The following PRKN variants were observed in gnomAD, a reference collection of about 807,000 sequenced individuals.
The protein encoded by PRKN is parkin RBR E3 ubiquitin protein ligase.
PRKN carries 56 observed loss-of-function variants against 59.5 expected under a neutral mutation model. That is an observed-to-expected ratio of 0.94 (90% CI 0.76 to 1.18). PRKN has a LOEUF of 1.18. PRKN is among the 50% of genes most tolerant of loss of function. PRKN has a pLI of 0.00. For missense variants in PRKN, 657 were observed against 596.4 expected (o/e 1.10, Z -1.06); for synonymous variants, 250 against 222.1 (o/e 1.13, Z -1.12).
chr6:161,753,422 G>C (rs1788777501), intron 7 of PRKN, among the ~76,000 whole-genome samples: 1 of 152,186 alleles, frequency 6.6e-6, no homozygotes, highest in African/African-American at 2.4e-5. Context: ...AAAAAAGCCA[G>C]GTTGGAAAGA....
chr6:161,906,676 G>A (rs9365348), intron 6 of PRKN, among the ~76,000 whole-genome samples: 23,093 of 97,360 alleles, frequency 0.24, 3,646 homozygotes, highest in African/African-American at 0.37. Context: ...ATATATATAT[G>A]TATATATGAG....
Position 161,360,039 on chromosome 6 carries a change from C to T in PRKN, c.1285+49G>A. ...TGGAATCCCTGATGGGTATGATTCT[C>T]CCCCAAAGAGCACACGACATCCTCA... is the stretch of plus-strand genomic sequence containing the variant. On this transcript the variant is annotated intron_variant, in intron 11 of 11. Coordinates refer to ENST00000366898, the MANE Select transcript of PRKN (RefSeq NM_004562.3). The surrounding 1 kb of genome is among the most constrained non-coding windows in gnomAD (Gnocchi z 5.1). 1 of 1,345,354 alleles carries T rather than the reference C, an allele frequency of 7.4e-7. No individual in the cohort carries two copies. Among genetic ancestry groups the T allele is most frequent in the South Asian group, 1.2e-5 (1 of 85,808 alleles). The allele number at this position is 1,345,354 out of a possible 1,614,324, so 83.3% of individuals were successfully genotyped here.
At chr6:161,532,238 TTTG>T (rs999702193) in intron 9 of PRKN, among the ~76,000 whole-genome samples, 5 of 151,422 alleles carry the variant, frequency 3.3e-5, no homozygotes, top group Non-Finnish European at 7.4e-5. Flanking sequence ...TGCAGAAAAA[TTTG>T]CCTAGAGACT....
intron 6 of PRKN, among the ~76,000 whole-genome samples, chr6:161,827,168 C>A (rs1792280683): frequency 6.6e-6 from 1 of 152,182 alleles, no homozygotes; most frequent in South Asian, 2.1e-4. Context: ...CCTTACAACA[C>A]CACATTTCTT....
intron 5 of PRKN, among the ~76,000 whole-genome samples, chr6:161,991,732 A>G (rs1781655711): frequency 6.6e-6 from 1 of 151,996 alleles, no homozygotes; most frequent in Middle Eastern, 3.2e-3. Context: ...GATCCCAGCT[A>G]CTCAGGAGGC....
rs144414263 is a variant in PRKN at position 161,821,976 on chromosome 6, T to C, written c.735-36068A>G. On this transcript the variant is annotated intron_variant, in intron 6 of 11. Coordinates refer to ENST00000366898, the MANE Select transcript of PRKN (RefSeq NM_004562.3). ...GTGGACCAGGCTGGTCTTGAACTCCTGACCTCAGATGATCCACCTGCCTGG... is the reference window on the plus strand; with the variant it reads ...GTGGACCAGGCTGGTCTTGAACTCCCGACCTCAGATGATCCACCTGCCTGG... Among the ~76,000 whole-genome samples the C allele has an allele frequency of 1.6e-4, 24 of 152,198 alleles. No homozygotes were observed. In the East Asian group the frequency reaches 4.7e-3, roughly 30 times the overall value.
intron 6 of PRKN, among the ~76,000 whole-genome samples, chr6:161,933,932 T>C (rs898802188): frequency 6.6e-6 from 1 of 152,236 alleles, no homozygotes; most frequent in Non-Finnish European, 1.5e-5. Flanking sequence ...TGTCCTACAG[T>C]GCAAATGAAG....
intron 2 of PRKN, among the ~76,000 whole-genome samples, chr6:162,393,340 A>T (rs1390438065): frequency 4.0e-5 from 6 of 151,626 alleles, no homozygotes; most frequent in South Asian, 2.1e-4. Flanking sequence ...TTGTATTTTT[A>T]GTAGAGACGG....
intron 4 of PRKN, among the ~76,000 whole-genome samples, chr6:162,127,645 G>C (rs1391287779): frequency 2.0e-5 from 3 of 152,046 alleles, no homozygotes; most frequent in Non-Finnish European, 4.4e-5. Context: ...TGAGTCATAG[G>C]GAAAATCTGC....
In PRKN at chr6:161,462,986, T is replaced by C. The variant is rs1562465508; in HGVS notation, c.1084-76109A>G. Among the ~76,000 whole-genome samples, 1 of 152,198 alleles carries C rather than the reference T, an allele frequency of 6.6e-6. No homozygotes were observed. The highest frequency in any genetic ancestry group is 1.5e-5 in the Non-Finnish European group (1 of 68,036). ...ATGAAGATGTCAGAAGTTCTATGTA[T>C]AGTAGACTGCAATGTACTGGAAGCA... On this transcript the variant is annotated intron_variant, in intron 9 of 11. Coordinates refer to ENST00000366898, the MANE Select transcript of PRKN (RefSeq NM_004562.3). The surrounding 1 kb of genome is among the most constrained non-coding windows in gnomAD (Gnocchi z 4.5).
intron 4 of PRKN, among the ~76,000 whole-genome samples, chr6:162,192,040 T>A (rs1013872802): frequency 4.6e-5 from 7 of 152,196 alleles, no homozygotes; most frequent in Non-Finnish European, 1.0e-4. Context: ...ATAAGACATA[T>A]GAAAAACGTT....
At chr6:161,739,419 T>A (rs1788100125) in intron 7 of PRKN, among the ~76,000 whole-genome samples, 1 of 151,974 alleles carries the variant, frequency 6.6e-6, no homozygotes, top group Non-Finnish European at 1.5e-5. Flanking sequence ...ATAAATAAAT[T>A]AATTAAATTA....
intron 2 of PRKN, among the ~76,000 whole-genome samples, chr6:162,276,008 ATT>A (rs1366086726): frequency 6.6e-6 from 1 of 152,162 alleles, no homozygotes; most frequent in Non-Finnish European, 1.5e-5. Flanking sequence ...GTAATAAATC[ATT>A]TTGACAAATA....
chr6:162,563,530 C>T (rs1237247475), intron 1 of PRKN, among the ~76,000 whole-genome samples: 1 of 152,104 alleles, frequency 6.6e-6, no homozygotes, highest in Non-Finnish European at 1.5e-5. Context: ...TCTAGAAAGC[C>T]TTTCTGAGAA....
At chr6:162,693,581 AAGG>A (rs1442376502) in intron 1 of PRKN, among the ~76,000 whole-genome samples, 1 of 152,176 alleles carries the variant, frequency 6.6e-6, no homozygotes, top group Non-Finnish European at 1.5e-5. Flanking sequence ...CAAACTGGAA[AAGG>A]AGAATTATCC....
chr6:162,508,855 A>G (rs550761823), intron 1 of PRKN, among the ~76,000 whole-genome samples: 4 of 149,988 alleles, frequency 2.7e-5, no homozygotes, highest in South Asian at 4.2e-4. Flanking sequence ...CTGTCTCAAA[A>G]AACAAAAAAC....
At chr6:161,658,384 CCTCT>C (rs1784432890) in intron 7 of PRKN, among the ~76,000 whole-genome samples, 1 of 152,100 alleles carries the variant, frequency 6.6e-6, no homozygotes, top group Admixed American at 6.6e-5. Flanking sequence ...ACAATTACCC[CCTCT>C]CAGTCCAGTG....
At chr6:162,091,605 C>T (rs190473538) in intron 4 of PRKN, among the ~76,000 whole-genome samples, 2 of 152,246 alleles carry the variant, frequency 1.3e-5, no homozygotes, top group East Asian at 1.9e-4. Context: ...CTGCAGGCAC[C>T]GATCGTCTGG....
intron 1 of PRKN, among the ~76,000 whole-genome samples, chr6:162,702,463 T>C (rs1433350632): frequency 6.6e-6 from 1 of 152,016 alleles, no homozygotes; most frequent in Admixed American, 6.6e-5. Flanking sequence ...CAAAGAAAAC[T>C]ACCATTTCCT....
Sources: gnomAD v4.1 joint callset for allele counts (sites outside exome capture counted in the v4.1 genomes callset) on GRCh38, gnomAD v4.1.1 for gene constraint, Gnocchi (gnomAD v3.1) non-coding constraint, MANE v1.5 for transcripts, NCBI Gene and HGNC (gene_info 2026-07-23, HGNC 2026-07-21) for gene names.